EPHA3: variants seen among roughly 807,000 people sequenced by gnomAD.
The protein encoded by EPHA3 is EPH receptor A3, also known as ephrin type-A receptor 3.
In EPHA3, 42 loss-of-function variants were observed where a neutral mutation model predicts 107.1. The observed-to-expected ratio is 0.39, with a 90% CI of 0.31 to 0.51. The LOEUF (loss-of-function observed/expected upper bound fraction) is 0.51. Ranked by LOEUF, EPHA3 falls within the 20% of genes least tolerant of loss-of-function variation. The pLI, the probability that EPHA3 is intolerant of heterozygous loss-of-function variation, is 0.78. For synonymous variants in EPHA3, 461 were observed against 424.8 expected (o/e 1.09, Z -1.05); for missense variants, 1,183 against 1,211.2 (o/e 0.98, Z 0.35).
At chr3:89,304,146 G>T (rs1377779052) in intron 3 of EPHA3, among the ~76,000 whole-genome samples, 1 of 151,434 alleles carries the variant, frequency 6.6e-6, no homozygotes, top group Non-Finnish European at 1.5e-5. Context: ...TGAATCTTTG[G>T]AACCAACTGT....
rs376721344 is a variant in EPHA3 at position 89,467,652 on chromosome 3, TA to T, written c.2691-4808del. Reference sequence around the variant, plus strand: ...TAATTTTTATGCACCTATTTACAGCTAAAATAGGAATTGATGGGAAGAAAAT... The same window carrying T: ...TAATTTTTATGCACCTATTTACAGCTAAATAGGAATTGATGGGAAGAAAAT... On this transcript the variant is annotated intron_variant, in intron 15 of 16. Transcript: ENST00000336596. Among the ~76,000 whole-genome samples the T allele has an allele frequency of 8.4e-3, 1,275 of 152,258 alleles. 29 individuals carry two copies. Among genetic ancestry groups the T allele is most frequent in the African/African-American group, 0.029 (1,187 of 41,546 alleles).
intron 5 of EPHA3, among the ~76,000 whole-genome samples, chr3:89,343,793 G>A (rs1419875617): frequency 6.6e-6 from 1 of 151,996 alleles, no homozygotes; most frequent in African/African-American, 2.4e-5. Flanking sequence ...CTTTAATCTT[G>A]CTCACTGTAT....
At chr3:89,118,259 C>A (rs1042526867) in intron 1 of EPHA3, among the ~76,000 whole-genome samples, 7 of 152,008 alleles carry the variant, frequency 4.6e-5, no homozygotes, top group Middle Eastern at 3.4e-3. Context: ...ATATGTATTT[C>A]ATCTGGCTAA....
At chr3:89,245,173 G>A (rs1481635649) in intron 3 of EPHA3, among the ~76,000 whole-genome samples, 2 of 151,958 alleles carry the variant, frequency 1.3e-5, no homozygotes, top group East Asian at 1.9e-4. Context: ...GGTCTTTTTT[G>A]AACAACTTTG....
intron 3 of EPHA3, among the ~76,000 whole-genome samples, chr3:89,242,387 A>G (rs762093858): frequency 1.3e-5 from 2 of 152,146 alleles, no homozygotes; most frequent in Non-Finnish European, 2.9e-5. Context: ...GTGCACTGCA[A>G]CATAATGTTT....
chr3:89,323,131 A>G (rs1477871218), intron 3 of EPHA3, among the ~76,000 whole-genome samples: 1 of 152,120 alleles, frequency 6.6e-6, no homozygotes, highest in Admixed American at 6.6e-5. Context: ...GTGGTTTAAT[A>G]TTGCTTAAAT....
intron 3 of EPHA3, among the ~76,000 whole-genome samples, chr3:89,269,114 C>A (rs548403407): frequency 5.7e-4 from 86 of 152,196 alleles, no homozygotes; most frequent in African/African-American, 1.9e-3. Flanking sequence ...CCAATAAGAT[C>A]TTTTAAGCAT....
chr3:89,289,048 T>G (rs1386402553), intron 3 of EPHA3, among the ~76,000 whole-genome samples: 1 of 152,130 alleles, frequency 6.6e-6, no homozygotes, highest in Admixed American at 6.6e-5. Flanking sequence ...TTACCTATAC[T>G]AATCCAGGTA....
At chr3:89,223,292 G>A (rs1382736949) in intron 3 of EPHA3, among the ~76,000 whole-genome samples, 1 of 152,164 alleles carries the variant, frequency 6.6e-6, no homozygotes, top group East Asian at 1.9e-4. Context: ...AGGAAAGGGA[G>A]GCTGAAAGGA....
intron 3 of EPHA3, among the ~76,000 whole-genome samples, chr3:89,293,873 A>T (rs1576294256): frequency 6.6e-6 from 1 of 152,158 alleles, no homozygotes; most frequent in Non-Finnish European, 1.5e-5. Context: ...GTCTGCCTCA[A>T]CTAATCATCT....
intron 7 of EPHA3, among the ~76,000 whole-genome samples, chr3:89,406,121 C>A (rs948944528): frequency 2.6e-5 from 4 of 152,108 alleles, no homozygotes; most frequent in African/African-American, 9.7e-5. Flanking sequence ...TAAATGAAGA[C>A]TTAAACTAGG....
chr3:89,423,871 A>G (rs957140556), intron 11 of EPHA3, among the ~76,000 whole-genome samples: 10 of 151,264 alleles, frequency 6.6e-5, no homozygotes, highest in African/African-American at 2.2e-4. Flanking sequence ...AACTTACAAA[A>G]TTTGTTAGAG....
At chr3:89,159,305 G>T (rs1704870656) in intron 2 of EPHA3, among the ~76,000 whole-genome samples, 1 of 152,106 alleles carries the variant, frequency 6.6e-6, no homozygotes, top group South Asian at 2.1e-4. Flanking sequence ...TTGGAAACCT[G>T]CTGAAGCTGA....
chr3:89,351,971 G>T (rs1296276303), intron 5 of EPHA3, among the ~76,000 whole-genome samples: 1 of 149,246 alleles, frequency 6.7e-6, no homozygotes, highest in Admixed American at 6.7e-5. Context: ...AACACTTATT[G>T]ATAGGACTTT....
chr3:89,253,558 A>G (rs1478418248), intron 3 of EPHA3, among the ~76,000 whole-genome samples: 3 of 152,210 alleles, frequency 2.0e-5, no homozygotes, highest in Non-Finnish European at 4.4e-5. Flanking sequence ...TTAGAAAGAA[A>G]TATCCACAGG....
At chr3:89,362,316 T>C (rs1708109778) in intron 5 of EPHA3, among the ~76,000 whole-genome samples, 2 of 151,092 alleles carry the variant, frequency 1.3e-5, no homozygotes, top group Non-Finnish European at 3.0e-5. Context: ...CTTCAAATAA[T>C]TGTTGAAATG....
intron 13 of EPHA3, among the ~76,000 whole-genome samples, chr3:89,431,744 A>AT (rs1199692104): frequency 6.6e-6 from 1 of 152,088 alleles, no homozygotes; most frequent in Non-Finnish European, 1.5e-5. Flanking sequence ...TTTCAAATCA[A>AT]TTTTTTAATA....
chr3:89,274,782 G>A (rs2063590), intron 3 of EPHA3, among the ~76,000 whole-genome samples: 1 of 151,724 alleles, frequency 6.6e-6, no homozygotes, highest in Admixed American at 6.6e-5. Flanking sequence ...GGAAGAAAAG[G>A]CAGATTAACC....
At position 89,210,202 on chromosome 3, in the gene EPHA3, A is replaced by T; in HGVS notation, c.496A>T (p.Thr166Ser). 1 of 1,614,018 alleles carries T rather than the reference A, an allele frequency of 6.2e-7. No homozygotes were observed. The highest frequency in any genetic ancestry group is 2.2e-5 in the East Asian group (1 of 44,874). ...TGGGGACCGTATTCTGAAGCTCAAC[A>T]CTGAGATTAGAGAAGTAGGTCCTGT... ...DLGDRILKLN[T>S]EIREVGPVNK... The change falls in exon 3 of 17, where the codon ACT (threonine) becomes TCT (serine). Residue 166 changes from threonine (T) to serine (S), a missense_variant. Transcript: ENST00000336596.
Sources: gnomAD v4.1 joint callset for allele counts (sites outside exome capture counted in the v4.1 genomes callset) on GRCh38, gnomAD v4.1.1 for gene constraint, MANE v1.5 for transcripts, NCBI Gene and HGNC (gene_info 2026-07-23, HGNC 2026-07-21) for gene names.